The following FRYL variants were observed in gnomAD, a reference collection of about 807,000 sequenced individuals.
The protein encoded by FRYL is FRY like transcription coactivator, also known as protein furry homolog-like.
In FRYL, 150 loss-of-function variants were observed where a neutral mutation model predicts 351.2. That is an observed-to-expected ratio of 0.43 (90% CI 0.37 to 0.49). The LOEUF is 0.49. Among genes scored for constraint, FRYL ranks in the 20% least tolerant of loss-of-function variants. The pLI, the probability that FRYL is intolerant of heterozygous loss-of-function variation, is 0.00. For missense variants in FRYL, 3,036 were observed against 3,619.3 expected (o/e 0.84, Z 4.13); for synonymous variants, 1,153 against 1,257.1 (o/e 0.92, Z 1.75).
chr4:48,547,689 T>C lies in FRYL; in HGVS notation c.4969A>G (p.Ser1657Gly), dbSNP rs775682386. Residue 1657 changes from serine to glycine, a missense_variant, in exon 41 of 64, where the codon AGT becomes GGT. Coordinates refer to ENST00000358350, the MANE Select transcript of FRYL (RefSeq NM_015030.2). The part of the protein sequence containing the change: ...LHLLIVMGPN[S>G]NIRTVASVLL... Reference sequence around the variant, plus strand: ...ACAGAAGCAACAGTTCGGATGTTACTATTGGGTCCCATTACTATTAATAAG... The same window carrying C: ...ACAGAAGCAACAGTTCGGATGTTACCATTGGGTCCCATTACTATTAATAAG... 8 of 1,606,196 alleles carry C rather than the reference T, an allele frequency of 5.0e-6. No homozygotes were observed. The highest frequency in any genetic ancestry group is 1.1e-5 in the South Asian group (1 of 89,942).
intron 56 of FRYL, among the ~76,000 whole-genome samples, chr4:48,512,953 G>A (rs934344115): frequency 5.3e-5 from 8 of 152,002 alleles, no homozygotes; most frequent in African/African-American, 1.7e-4. Context: ...CCACCACTAT[G>A]GATTCATTTT....
At chr4:48,670,747 T>C (rs546139686) in intron 3 of FRYL, among the ~76,000 whole-genome samples, 1 of 152,158 alleles carries the variant, frequency 6.6e-6, no homozygotes, top group Non-Finnish European at 1.5e-5. Flanking sequence ...GACCTCCAGT[T>C]CCATCCATGT....
rs756141197 is a variant in FRYL at position 48,550,656 on chromosome 4, C to T, written c.4569G>A (p.Arg1523=). Residue 1523 remains arginine (R), a synonymous_variant, in exon 38 of 64, where the codon CGG becomes CGA. Coordinates refer to ENST00000358350, the MANE Select transcript of FRYL (RefSeq NM_015030.2). ...IYSGLNSHLN[R]QHHRLESRYS... is the part of the protein sequence containing the mutation. ...ATCGGGATTCTAGTCTGTGATGTTG[C>T]CGATTCAAATGACTGTTTAGTCCAC... The T allele has an allele frequency of 1.9e-6, 3 of 1,613,864 alleles. No homozygotes were observed. Among genetic ancestry groups the T allele is most frequent in the Non-Finnish European group, 1.7e-6 (2 of 1,179,920 alleles).
At chr4:48,757,553 A>G (rs1324186017) in intron 1 of FRYL, among the ~76,000 whole-genome samples, 1 of 152,154 alleles carries the variant, frequency 6.6e-6, no homozygotes, top group East Asian at 1.9e-4. Context: ...GGACCTCTTC[A>G]AGGAGAACTA....
intron 1 of FRYL, among the ~76,000 whole-genome samples, chr4:48,744,110 G>A (rs745600465): frequency 2.6e-5 from 4 of 152,084 alleles, no homozygotes; most frequent in Non-Finnish European, 5.9e-5. Flanking sequence ...TGTTAAGAAA[G>A]CCTGTGACCA....
intron 7 of FRYL, chr4:48,618,643 A>G (rs944268486): frequency 1.3e-5 from 2 of 151,082 alleles, no homozygotes; most frequent in Non-Finnish European, 3.0e-5. Context: ...ACTGATCTGG[A>G]GTAATAAAAA....
intron 14 of FRYL, 90 bp downstream of exon 14, chr4:48,595,807 C>CA (rs2149228287): frequency 9.0e-7 from 1 of 1,112,026 alleles, no homozygotes; most frequent in East Asian, 2.5e-5. Flanking sequence ...ATTCCACCCA[C>CA]AAAGTATAAT....
At position 48,512,700 on chromosome 4, in the gene FRYL, G is replaced by A; in HGVS notation, c.7938-12C>T. ...CTTCTTCATCTTGACTATTAACACA[G>A]ATATCATAAATATCATAACACTATC... On this transcript the variant is annotated splice_polypyrimidine_tract_variant and intron_variant, in intron 56 of 63. Transcript: ENST00000358350. 6.3e-7 allele frequency: 1 copy of A among 1,585,256 alleles called. No homozygotes were observed. Among genetic ancestry groups the A allele is most frequent in the Non-Finnish European group, 8.7e-7 (1 of 1,154,116 alleles).
intron 1 of FRYL, among the ~76,000 whole-genome samples, chr4:48,761,149 T>C (rs112367324): frequency 1.3e-5 from 2 of 152,080 alleles, no homozygotes; most frequent in Non-Finnish European, 2.9e-5. Flanking sequence ...TCCCTGTATA[T>C]AATTTTGTTT....
chr4:48,552,392 C>A (rs1019110335), intron 36 of FRYL, among the ~76,000 whole-genome samples: 1 of 151,722 alleles, frequency 6.6e-6, no homozygotes, highest in Non-Finnish European at 1.5e-5. Flanking sequence ...AATCATGGTA[C>A]GACAAAGCAC....
intron 3 of FRYL, among the ~76,000 whole-genome samples, chr4:48,650,372 G>T (rs193011642): frequency 6.6e-6 from 1 of 152,152 alleles, no homozygotes. Context: ...AGAACAAAAA[G>T]ACAATCAACC....
At chr4:48,662,982 T>C (rs1761069298) in intron 3 of FRYL, among the ~76,000 whole-genome samples, 1 of 152,110 alleles carries the variant, frequency 6.6e-6, no homozygotes, top group Admixed American at 6.5e-5. Flanking sequence ...AAAGAAGTTC[T>C]TCAGGTGGAA....
intron 2 of FRYL, among the ~76,000 whole-genome samples, chr4:48,708,055 C>T (rs1383230244): frequency 6.6e-6 from 1 of 151,894 alleles, no homozygotes; most frequent in Non-Finnish European, 1.5e-5. Flanking sequence ...CTTCTGACCT[C>T]GTGATCAGCC....
Position 48,549,430 on chromosome 4 carries a change from A to G in FRYL, c.4784+43T>C, listed in dbSNP as rs758501239. The G allele has an allele frequency of 2.6e-6, 4 of 1,561,260 alleles. No homozygotes were observed. The highest frequency in any genetic ancestry group is 3.5e-6 in the Non-Finnish European group (4 of 1,149,734). On this transcript the variant is annotated intron_variant, in intron 39 of 63. Transcript: ENST00000358350. The surrounding 1 kb of genome is among the most constrained non-coding windows in gnomAD (Gnocchi z 4.2). ...ACAAAGAAAGCCGACAGTGTTCAGC[A>G]GCAACTTGGTGCATATGTAAAAGGA...
Position 48,557,653 on chromosome 4 carries a change from G to C in FRYL, c.3925C>G (p.Leu1309Val). ...TCGATGTTGTTCATCCATGGTAGCA[G>C]GTAGTGCAGCATCACCTGCCGCCCA... ...PAGRQVMLHY[L>V]LPWMNNIELV... Residue 1309 changes from leucine (L) to valine (V), a missense_variant, in exon 34 of 64, where the codon CTG (leucine) becomes GTG (valine). Physicochemically the swap from Leu to Val is conservative, Grantham distance 32 (BLOSUM62 1). Transcript: ENST00000358350. 6.2e-7 allele frequency: 1 copy of C among 1,614,156 alleles called. No individual in the cohort carries two copies. Among genetic ancestry groups the C allele is most frequent in the Non-Finnish European group, 8.5e-7 (1 of 1,180,024 alleles).
intron 42 of FRYL, among the ~76,000 whole-genome samples, 156 bp from the exon 43 acceptor site, chr4:48,545,060 G>C (rs1234708620): frequency 4.6e-5 from 7 of 152,178 alleles, no homozygotes; most frequent in Admixed American, 4.6e-4. Flanking sequence ...AATATGTAAT[G>C]ATCTACAGCA....
chr4:48,519,934 A>C lies in FRYL; in HGVS notation c.7689+1114T>G, dbSNP rs146636553. On this transcript the variant is annotated intron_variant, in intron 55 of 63. Coordinates refer to ENST00000358350, the MANE Select transcript of FRYL (RefSeq NM_015030.2). ...TTTTTAGTAGAGACGGAGTTTCACC[A>C]TGTTGGCCAGATGGTCTCGATCTCC... Among the ~76,000 whole-genome samples, 59 of 152,268 alleles carry C rather than the reference A, an allele frequency of 3.9e-4. No individual in the cohort carries two copies. In the East Asian group the frequency reaches 0.011, roughly 28 times the overall value.
chr4:48,756,352 A>G (rs1773775537), intron 1 of FRYL, among the ~76,000 whole-genome samples: 2 of 152,148 alleles, frequency 1.3e-5, no homozygotes, highest in Admixed American at 6.5e-5. Flanking sequence ...TTAAGAGCAC[A>G]TTCCTCACTC....
intron 3 of FRYL, among the ~76,000 whole-genome samples, chr4:48,647,683 T>A (rs969459832): frequency 6.6e-6 from 1 of 152,092 alleles, no homozygotes; most frequent in African/African-American, 2.4e-5. Flanking sequence ...AAAAAAAAGA[T>A]ACAGCAGGCC....
Sources: allele counts gnomAD v4.1 joint callset (sites outside exome capture counted in the v4.1 genomes callset), GRCh38; gene constraint gnomAD v4.1.1; non-coding constraint Gnocchi (gnomAD v3.1); transcripts MANE v1.5; gene names NCBI Gene and HGNC (gene_info 2026-07-23, HGNC 2026-07-21).